The following G3BP2 variants were observed in gnomAD, a reference collection of about 807,000 sequenced individuals.
The protein encoded by G3BP2 is G3BP stress granule assembly factor 2.
Under a neutral mutation model 56.7 loss-of-function variants are expected in G3BP2, and 11 were observed. The ratio of observed to expected loss-of-function variants is 0.19; its 90% confidence interval spans 0.12 to 0.32. The LOEUF (loss-of-function observed/expected upper bound fraction) is 0.32, where lower values mean the gene tolerates loss of function less well. Among genes scored for constraint, G3BP2 ranks in the 10% least tolerant of loss-of-function variants. The pLI is 1.00. For missense variants in G3BP2, 340 were observed against 610.9 expected, an observed-to-expected ratio of 0.56 and a Z score of 4.67; for synonymous variants, 165 against 191.6, an observed-to-expected ratio of 0.86 and a Z score of 1.15.
rs758890223 is a variant in G3BP2 at position 75,653,976 on chromosome 4, T to G, written c.825+7A>C. 1.6e-6 allele frequency: 2 copies of G among 1,266,434 alleles called. No individual in the cohort carries two copies. The highest frequency in any genetic ancestry group is 2.3e-6 in the Non-Finnish European group (2 of 862,868). 78.4% of individuals were successfully genotyped at this position (1,266,434 alleles called of 1,614,324 possible). ...GATACAATCCAATGTGTTCACAGAT[T>G]GGTTACCTGTGAGACTGGTGCTTTA... is the stretch of plus-strand genomic sequence containing the variant. On this transcript the variant is annotated splice_region_variant and intron_variant, in intron 8 of 11. Transcript: ENST00000359707.
At chr4:75,705,058 T>A (rs1315389906) in intron 3 of G3BP2, among the ~76,000 whole-genome samples, 2 of 152,186 alleles carry the variant, frequency 1.3e-5, no homozygotes, top group Non-Finnish European at 2.9e-5. Context: ...TTTTAGTTCA[T>A]CGGCTATCAT....
Position 75,683,477 on chromosome 4 carries a change from T to C in G3BP2, c.-24-21428A>G, listed in dbSNP as rs544700352. 2.3e-3 allele frequency among the ~76,000 whole-genome samples: 351 copies of C among 151,744 alleles called. 1 individual carries two copies. Among genetic ancestry groups the C allele is most frequent in the Non-Finnish European group, 3.4e-3 (229 of 67,954 alleles). Reference sequence around the variant, plus strand: ...TACTCGGGAGGCTGAGGCAGGAGAATCACTTGAACCTGGGAGGTGGAGGTT... The same window carrying C: ...TACTCGGGAGGCTGAGGCAGGAGAACCACTTGAACCTGGGAGGTGGAGGTT... On this transcript the variant is annotated intron_variant, in intron 3 of 3. Coordinates refer to the G3BP2 transcript ENST00000499709.
At chr4:75,682,310 G>A (rs757737388) in intron 3 of G3BP2, among the ~76,000 whole-genome samples, 38 of 152,054 alleles carry the variant, frequency 2.5e-4, no homozygotes, top group Non-Finnish European at 4.3e-4. Context: ...AGCTGCTCGG[G>A]AGGGCTGAGG....
rs181910261 is a variant in G3BP2, at chr4:75,693,025, T to A, written c.-25+27852A>T. On this transcript the variant is annotated intron_variant, in intron 3 of 3. Transcript: ENST00000499709. ...ACTTTGGGAGGCCAAGGCGGGTGGATCACGAGGTCAGGAATTTGAGACCGC... is the reference window on the plus strand; with the variant it reads ...ACTTTGGGAGGCCAAGGCGGGTGGAACACGAGGTCAGGAATTTGAGACCGC... 1.3e-3 allele frequency among the ~76,000 whole-genome samples: 197 copies of A among 152,164 alleles called. 3 individuals are homozygous for A. In the East Asian group the frequency reaches 0.025, roughly 19 times the overall value.
intron 2 of G3BP2, among the ~76,000 whole-genome samples, chr4:75,660,085 G>C (rs893377873): frequency 3.3e-5 from 5 of 152,130 alleles, no homozygotes; most frequent in Non-Finnish European, 5.9e-5. Flanking sequence ...TTTTCATTAA[G>C]AAAGAAATTG....
intron 1 of G3BP2, among the ~76,000 whole-genome samples, chr4:75,664,626 T>A (rs537726010): frequency 6.6e-6 from 1 of 151,876 alleles, no homozygotes; most frequent in African/African-American, 2.4e-5. Context: ...GCTGGGAGGA[T>A]CATTTGAGAT....
chr4:75,671,696 T>TA (rs1491322732), intron 1 of G3BP2, among the ~76,000 whole-genome samples: 10 of 152,210 alleles, frequency 6.6e-5, no homozygotes, highest in African/African-American at 2.4e-4. Context: ...TTTTCAGAAT[T>TA]AGTTTGTAAA....
intron 3 of G3BP2, among the ~76,000 whole-genome samples, chr4:75,681,650 G>C (rs1423246336): frequency 1.3e-5 from 2 of 151,822 alleles, no homozygotes; most frequent in African/African-American, 4.8e-5. Flanking sequence ...AGGAGTTCGA[G>C]ACCAGCCTGG....
intron 7 of G3BP2, 27 bp downstream of exon 7, chr4:75,655,039 T>A (rs528289128): frequency 2.0e-6 from 3 of 1,516,772 alleles, no homozygotes; most frequent in African/African-American, 2.8e-5. Flanking sequence ...TGTGATGTTG[T>A]AAGTCTAAAG....
intron 3 of G3BP2, among the ~76,000 whole-genome samples, chr4:75,699,945 AT>A (rs35657161): frequency 0.88 from 133,321 of 152,198 alleles, 58,414 homozygotes; most frequent in East Asian, 0.91. Context: ...CTAGATTTTC[AT>A]TTTTTTTAGT....
Position 75,657,740 on chromosome 4 carries a change from G to A in G3BP2, c.178-10C>T. The stretch of plus-strand genomic sequence containing the variant: ...CTTTGTGGTGTATATCCTTTATTAG[G>A]GAGGGAGGGAAAAATATAAACTCTG... On this transcript the variant is annotated splice_polypyrimidine_tract_variant and intron_variant, in intron 3 of 11. Coordinates refer to ENST00000359707, the MANE Select transcript of G3BP2 (RefSeq NM_203505.3). 1.3e-6 allele frequency: 2 copies of A among 1,568,496 alleles called. No individual in the cohort carries two copies. Among genetic ancestry groups the A allele is most frequent in the Non-Finnish European group, 1.7e-6 (2 of 1,143,302 alleles).
intron 3 of G3BP2, among the ~76,000 whole-genome samples, chr4:75,700,504 T>A (rs536989760): frequency 6.7e-6 from 1 of 148,450 alleles, no homozygotes; most frequent in Non-Finnish European, 1.5e-5. Flanking sequence ...CACTGCAACC[T>A]CGTCTTACCA....
At chr4:75,694,663 G>A (rs1449042164) in intron 3 of G3BP2, 1 of 491,002 alleles carries the variant, frequency 2.0e-6, no homozygotes, top group Non-Finnish European at 2.7e-6. Context: ...GCTTGAATCC[G>A]CGAGGCGGCG....
intron 9 of G3BP2, 25 bp from the exon 10 acceptor site, chr4:75,647,182 C>G (rs369402651): frequency 2.7e-6 from 4 of 1,486,280 alleles, no homozygotes; most frequent in Non-Finnish European, 3.7e-6. Flanking sequence ...AGAGCAGATA[C>G]TAAAGTTTAC....
upstream of G3BP2, among the ~76,000 whole-genome samples, chr4:75,674,885 A>G (rs958483077): frequency 2.6e-5 from 4 of 151,324 alleles, no homozygotes; most frequent in African/African-American, 9.7e-5. Flanking sequence ...ACCACACCCA[A>G]CTAATTTTTA....
Position 75,648,665 on chromosome 4 carries a change from C to G in G3BP2, c.902G>C (p.Gly301Ala), listed in dbSNP as rs1731427721. 3.7e-6 allele frequency: 6 copies of G among 1,607,508 alleles called. No individual in the cohort carries two copies. Among genetic ancestry groups the G allele is most frequent in the East Asian group, 4.5e-5 (2 of 44,826 alleles). ...VREQRPRERP[G>A]FPPRGPRPGR... ...TGGTCTTGGTCCTCTAGGAGGAAAA[C>G]CAGGTCGTTCTCTAGGTCGTTGTTC... The change falls in exon 9 of 12, where the codon GGT becomes GCT. Residue 301 changes from glycine to alanine, a missense_variant. Physicochemically the swap from Gly to Ala is moderately conservative, Grantham distance 60. Around this residue, in one of 4 missense-constraint regions of G3BP2, gnomAD observed 224 missense variants for 332.5 expected, o/e 0.67. Transcript: ENST00000359707.
At chr4:75,673,701 C>T, upstream of G3BP2, 2 of 1,056,166 alleles carry the variant, frequency 1.9e-6, no homozygotes, top group Non-Finnish European at 2.4e-6. Flanking sequence ...CGCCCTTCTT[C>T]CTGATCGCGC....
Position 75,644,701 on chromosome 4 carries a change from A to C in G3BP2, c.*729T>G, listed in dbSNP as rs1731086850. ...AAAAATCTTAGATATGGAGCTACTAAATCTGGTCTAATAGTCAAGACCATC... is the reference window on the plus strand; with the variant it reads ...AAAAATCTTAGATATGGAGCTACTACATCTGGTCTAATAGTCAAGACCATC... On this transcript the variant is annotated 3_prime_UTR_variant, in exon 12 of 12. Coordinates refer to ENST00000359707, the MANE Select transcript of G3BP2 (RefSeq NM_203505.3). 6.6e-6 allele frequency: 1 copy of C among 152,648 alleles called. No homozygotes were observed. The highest frequency in any genetic ancestry group is 6.5e-5 in the Admixed American group (1 of 15,282). The allele number at this position is 152,648 out of a possible 1,614,324, so 9.5% of individuals were successfully genotyped here. A position where few individuals can be genotyped will look rare whatever the true frequency, so the allele number is the denominator to read the frequency against.
intron 3 of G3BP2, among the ~76,000 whole-genome samples, chr4:75,707,906 A>G (rs563697675): frequency 9.4e-4 from 143 of 152,310 alleles, no homozygotes; most frequent in Non-Finnish European, 1.9e-3. Flanking sequence ...GGTTTTTTAA[A>G]CTACTGTTAC....
Sources: gnomAD v4.1 joint callset for allele counts (sites outside exome capture counted in the v4.1 genomes callset) on GRCh38, gnomAD v4.1.1 for gene constraint, gnomAD v4.1.1 regional missense constraint, MANE v1.5 for transcripts, NCBI Gene and HGNC (gene_info 2026-07-23, HGNC 2026-07-21) for gene names.